ADAMTSL1: variants seen among roughly 807,000 people sequenced by gnomAD.
ADAMTSL1 encodes the protein ADAMTS like 1.
In ADAMTSL1, 126 loss-of-function variants were observed where a neutral mutation model predicts 201.8. The ratio of observed to expected loss-of-function variants is 0.62; its 90% confidence interval spans 0.54 to 0.72. The LOEUF (loss-of-function observed/expected upper bound fraction) is 0.72, where lower values mean the gene tolerates loss of function less well. ADAMTSL1 is among the 30% of genes least tolerant of loss of function. The probability of loss-of-function intolerance (pLI) is 0.00; values close to 1 mark genes in which losing one functional copy is unlikely to be tolerated. For synonymous variants in ADAMTSL1, 1,121 were observed against 903.4 expected (o/e 1.24, Z -4.32); for missense variants, 2,679 against 2,277.8 (o/e 1.18, Z -3.59).
intron 1 of ADAMTSL1, among the ~76,000 whole-genome samples, chr9:18,163,499 T>C (rs1314052921): frequency 1.3e-5 from 2 of 151,978 alleles, no homozygotes; most frequent in Non-Finnish European, 2.9e-5. Context: ...GACTAAGGAT[T>C]GATCCCTGTG....
intron 2 of ADAMTSL1, among the ~76,000 whole-genome samples, chr9:18,303,971 C>G (rs892677778): frequency 1.3e-5 from 2 of 152,058 alleles, no homozygotes; most frequent in Non-Finnish European, 2.9e-5. Flanking sequence ...GCTCCCTTCC[C>G]AGAGCTCTCC....
intron 16 of ADAMTSL1, among the ~76,000 whole-genome samples, chr9:18,761,370 G>A (rs2117193): frequency 0.53 from 81,042 of 151,974 alleles, 21,878 homozygotes; most frequent in Admixed American, 0.63. Flanking sequence ...GTGTAGAGAC[G>A]TAATTGTTTT....
At chr9:18,620,157 C>G (rs1825950315) in intron 4 of ADAMTSL1, among the ~76,000 whole-genome samples, 1 of 151,266 alleles carries the variant, frequency 6.6e-6, no homozygotes, top group Non-Finnish European at 1.5e-5. Context: ...TCATTCACAT[C>G]TCAGCTCAAA....
At chr9:18,621,908 T>C (rs1282978472) in intron 4 of ADAMTSL1, among the ~76,000 whole-genome samples, 3 of 152,200 alleles carry the variant, frequency 2.0e-5, no homozygotes, top group Non-Finnish European at 4.4e-5. Context: ...GGAGTTATTC[T>C]TGAATTAAGG....
intron 2 of ADAMTSL1, among the ~76,000 whole-genome samples, chr9:18,355,108 T>C (rs1836155254): frequency 6.6e-6 from 1 of 152,178 alleles, no homozygotes; most frequent in Admixed American, 6.5e-5. Context: ...GTTTAGAATC[T>C]ACACCTGGGA....
At chr9:18,653,856 C>A (rs1209858775) in intron 7 of ADAMTSL1, among the ~76,000 whole-genome samples, 5 of 152,142 alleles carry the variant, frequency 3.3e-5, no homozygotes, top group African/African-American at 1.2e-4. Flanking sequence ...TGTTTCATTC[C>A]CATAGTAAGT....
intron 14 of ADAMTSL1, chr9:18,718,428 G>A (rs2133403579): frequency 1.5e-6 from 1 of 649,272 alleles, no homozygotes; most frequent in Non-Finnish European, 3.0e-6. Flanking sequence ...TTCTATCATA[G>A]GACATATTTT....
intron 1 of ADAMTSL1, among the ~76,000 whole-genome samples, chr9:18,047,483 C>A (rs560789674): frequency 6.6e-6 from 1 of 152,230 alleles, no homozygotes; most frequent in Non-Finnish European, 1.5e-5. Flanking sequence ...GAGAAACATT[C>A]CTCTAAGGTA....
chr9:18,044,656 C>A (rs952540018), intron 1 of ADAMTSL1, among the ~76,000 whole-genome samples: 1 of 152,110 alleles, frequency 6.6e-6, no homozygotes, highest in Non-Finnish European at 1.5e-5. Context: ...GTTCAAACTG[C>A]CAGGTGAAGC....
At chr9:18,683,011 G>T (rs1055857037) in intron 12 of ADAMTSL1, among the ~76,000 whole-genome samples, 2 of 152,128 alleles carry the variant, frequency 1.3e-5, no homozygotes, top group African/African-American at 4.8e-5. Flanking sequence ...CTGCAATATA[G>T]TAACTTCTAC....
At chr9:18,433,726 C>T (rs181882250) in intron 2 of ADAMTSL1, among the ~76,000 whole-genome samples, 113 of 152,314 alleles carry the variant, frequency 7.4e-4, no homozygotes, top group African/African-American at 2.6e-3. Flanking sequence ...AACCTAACTA[C>T]TGGCTGCAAT....
chr9:18,629,812 A>T (rs75617716), intron 5 of ADAMTSL1, among the ~76,000 whole-genome samples: 79,229 of 151,558 alleles, frequency 0.52, 21,066 homozygotes, highest in East Asian at 0.66. Context: ...ATGGAATTGA[A>T]TATATTTATT....
chr9:17,939,458 T>G (rs1827144489), intron 1 of ADAMTSL1, among the ~76,000 whole-genome samples: 1 of 152,114 alleles, frequency 6.6e-6, no homozygotes, highest in African/African-American at 2.4e-5. Flanking sequence ...CATTTTCACC[T>G]CATTAGTGTC....
intron 2 of ADAMTSL1, among the ~76,000 whole-genome samples, chr9:18,168,295 T>C (rs972812401): frequency 2.6e-5 from 4 of 151,864 alleles, no homozygotes; most frequent in Admixed American, 2.0e-4. Flanking sequence ...CCCACAAGGG[T>C]CCCTGGTGTG....
At chr9:18,191,630 T>A (rs1235606755) in intron 2 of ADAMTSL1, among the ~76,000 whole-genome samples, 1 of 152,152 alleles carries the variant, frequency 6.6e-6, no homozygotes, top group Non-Finnish European at 1.5e-5. Flanking sequence ...CTTCCCTGAA[T>A]CTAATTACCA....
chr9:18,460,111 G>C (rs1337455566), intron 2 of ADAMTSL1, among the ~76,000 whole-genome samples: 1 of 152,182 alleles, frequency 6.6e-6, no homozygotes, highest in Non-Finnish European at 1.5e-5. Flanking sequence ...CATTGCAGAA[G>C]TGCATTGTTT....
intron 1 of ADAMTSL1, among the ~76,000 whole-genome samples, chr9:18,155,402 C>A (rs1827109416): frequency 6.6e-6 from 1 of 151,992 alleles, no homozygotes; most frequent in African/African-American, 2.4e-5. Context: ...GAGATAAAGT[C>A]AGAGCTGTCT....
At chr9:18,009,492 T>C (rs747889321) in intron 1 of ADAMTSL1, among the ~76,000 whole-genome samples, 2 of 152,040 alleles carry the variant, frequency 1.3e-5, no homozygotes, top group Non-Finnish European at 2.9e-5. Context: ...GGCCAATTAA[T>C]AGGCATTTAG....
chr9:18,617,737 T>C (rs1337843462), intron 4 of ADAMTSL1, among the ~76,000 whole-genome samples: 1 of 152,116 alleles, frequency 6.6e-6, no homozygotes, highest in Non-Finnish European at 1.5e-5. Flanking sequence ...GAAAACACTA[T>C]TAATTTGGTA....
Sources: gnomAD v4.1 joint callset for allele counts (sites outside exome capture counted in the v4.1 genomes callset) on GRCh38, gnomAD v4.1.1 for gene constraint, MANE v1.5 for transcripts, NCBI Gene and HGNC (gene_info 2026-07-23, HGNC 2026-07-21) for gene names.